PEBP4: variants seen among roughly 807,000 people sequenced by gnomAD.
PEBP4 encodes the protein phosphatidylethanolamine-binding protein 4.
PEBP4 carries 22 observed loss-of-function variants against 23.9 expected under a neutral mutation model. That is an observed-to-expected ratio of 0.92 (90% CI 0.66 to 1.31). The LOEUF (loss-of-function observed/expected upper bound fraction) is 1.31. PEBP4 is among the 40% of genes most tolerant of loss of function. The probability of loss-of-function intolerance (pLI) is 0.00; values close to 1 mark genes in which losing one functional copy is unlikely to be tolerated. For missense variants in PEBP4, 324 were observed against 281.7 expected, an observed-to-expected ratio of 1.15 and a Z score of -1.07; for synonymous variants, 112 against 99.3, an observed-to-expected ratio of 1.13 and a Z score of -0.76.
chr8:22,741,710 C>A (rs1283718940), intron 4 of PEBP4, among the ~76,000 whole-genome samples: 1 of 152,182 alleles, frequency 6.6e-6, no homozygotes, highest in Non-Finnish European at 1.5e-5. Context: ...GGTTTGTGTG[C>A]AGAGGAGGAA....
intron 3 of PEBP4, among the ~76,000 whole-genome samples, chr8:22,867,119 T>C (rs995780488): frequency 6.6e-5 from 10 of 152,172 alleles, no homozygotes; most frequent in African/African-American, 2.4e-4. Context: ...CCCCTAACAT[T>C]ATCCTAAAAT....
chr8:22,917,757 T>C (rs1188777488), intron 3 of PEBP4, among the ~76,000 whole-genome samples: 1 of 152,204 alleles, frequency 6.6e-6, no homozygotes, highest in African/African-American at 2.4e-5. Context: ...AGAGGGTCAC[T>C]GCTAGGTTCA....
chr8:22,724,812 G>A (rs375408766), intron 6 of PEBP4, 31 bp downstream of exon 6: 22 of 1,536,466 alleles, frequency 1.4e-5, no homozygotes, highest in African/African-American at 2.7e-5. Context: ...AATTCACCCC[G>A]GTGGTGGCTG....
intron 4 of PEBP4, among the ~76,000 whole-genome samples, chr8:22,767,852 G>A (rs7837770): frequency 0.18 from 27,582 of 151,984 alleles, 2,614 homozygotes; most frequent in East Asian, 0.26. Context: ...TGATTCTCCC[G>A]CCTCAGCCTC....
intron 3 of PEBP4, among the ~76,000 whole-genome samples, chr8:22,820,651 AG>A (rs1806840074): frequency 6.6e-6 from 1 of 152,196 alleles, no homozygotes; most frequent in African/African-American, 2.4e-5. Flanking sequence ...TCTCAAAGGC[AG>A]GTAAAGTATC....
chr8:22,877,821 G>A lies in PEBP4; in HGVS notation c.258+42363C>T, dbSNP rs536302382. 2.1e-4 allele frequency among the ~76,000 whole-genome samples: 32 copies of A among 152,326 alleles called. No individual in the cohort carries two copies. The South Asian group carries it at 4.8e-3, about 23-fold the overall frequency. ...CTCAGAGACACCTGCAGTGTGGGAC[G>A]CAGGGAGTCGGAGGAGGGTGGAGGG... On this transcript the variant is annotated intron_variant, in intron 3 of 6. Transcript: ENST00000256404.
chr8:22,768,819 T>A (rs1392415429), intron 4 of PEBP4, among the ~76,000 whole-genome samples: 1 of 152,184 alleles, frequency 6.6e-6, no homozygotes, highest in African/African-American at 2.4e-5. Flanking sequence ...GACCCACCCT[T>A]GGCTGTGTCA....
intron 3 of PEBP4, among the ~76,000 whole-genome samples, chr8:22,832,667 G>A (rs1273030978): frequency 2.6e-5 from 4 of 152,168 alleles, no homozygotes; most frequent in Admixed American, 6.5e-5. Context: ...TCCTTAGGAT[G>A]GAATGTGATC....
At chr8:22,845,172 A>T (rs1034828442) in intron 3 of PEBP4, among the ~76,000 whole-genome samples, 1 of 152,162 alleles carries the variant, frequency 6.6e-6, no homozygotes, top group African/African-American at 2.4e-5. Flanking sequence ...AAGACTTTCC[A>T]ACAGTCAGCG....
intron 3 of PEBP4, among the ~76,000 whole-genome samples, chr8:22,859,097 T>C (rs191459004): frequency 2.6e-5 from 4 of 152,368 alleles, no homozygotes; most frequent in Admixed American, 2.0e-4. Flanking sequence ...CAAGATGTCA[T>C]AGACCAGCTC....
chr8:22,901,217 A>G (rs185148632), intron 3 of PEBP4, among the ~76,000 whole-genome samples: 89 of 152,334 alleles, frequency 5.8e-4, no homozygotes, highest in African/African-American at 2.1e-3. Flanking sequence ...TGGTGAAACA[A>G]GAGAGGCAAC....
intron 6 of PEBP4, among the ~76,000 whole-genome samples, chr8:22,715,942 T>C (rs971693603): frequency 2.0e-4 from 31 of 152,236 alleles, no homozygotes; most frequent in Non-Finnish European, 4.4e-5. Flanking sequence ...TGTATGGCAC[T>C]GCTGTCCCCG....
At chr8:22,810,915 A>AG (rs58234891) in intron 4 of PEBP4, among the ~76,000 whole-genome samples, 3 of 148,454 alleles carry the variant, frequency 2.0e-5, no homozygotes, top group African/African-American at 5.0e-5. Flanking sequence ...AGAGAGAGAG[A>AG]AACCTCCTAG....
intron 3 of PEBP4, 67 bp from the exon 4 acceptor site, chr8:22,817,802 C>A (rs1486100014): frequency 2.1e-6 from 3 of 1,402,712 alleles, no homozygotes; most frequent in East Asian, 2.3e-5. Flanking sequence ...ACGGGGCAGA[C>A]CTCCTTTTCC....
intron 4 of PEBP4, among the ~76,000 whole-genome samples, chr8:22,816,204 G>A (rs899459760): frequency 9.2e-5 from 14 of 152,168 alleles, no homozygotes; most frequent in East Asian, 1.9e-4. Flanking sequence ...GTGTGTTTAT[G>A]GTGTTTGGCC....
At chr8:22,888,848 A>G (rs1808437260) in intron 3 of PEBP4, among the ~76,000 whole-genome samples, 1 of 152,082 alleles carries the variant, frequency 6.6e-6, no homozygotes, top group Non-Finnish European at 1.5e-5. Flanking sequence ...TGGGCTCAGG[A>G]TTCTTACACC....
At chr8:22,747,397 G>C (rs944551729) in intron 4 of PEBP4, 9 of 152,198 alleles carry the variant, frequency 5.9e-5, no homozygotes, top group African/African-American at 2.2e-4. Context: ...GGCCACAGAC[G>C]ACTGGGTTCT....
At chr8:22,889,627 C>T (rs1414269088) in intron 3 of PEBP4, among the ~76,000 whole-genome samples, 2 of 152,298 alleles carry the variant, frequency 1.3e-5, no homozygotes, top group Non-Finnish European at 2.9e-5. Context: ...TGCTTTTTAA[C>T]AAGCAGACAA....
intron 6 of PEBP4, among the ~76,000 whole-genome samples, chr8:22,718,136 GGAGT>G (rs948922562): frequency 9.9e-5 from 15 of 152,218 alleles, no homozygotes; most frequent in South Asian, 4.1e-4. Context: ...GACTTTGGCA[GGAGT>G]GAGAGGGAGG....
Sources: allele counts gnomAD v4.1 joint callset (sites outside exome capture counted in the v4.1 genomes callset), GRCh38; gene constraint gnomAD v4.1.1; transcripts MANE v1.5; gene names NCBI Gene and HGNC (gene_info 2026-07-23, HGNC 2026-07-21).